The following USP34 variants were observed in gnomAD, a reference collection of about 807,000 sequenced individuals.
The protein encoded by USP34 is ubiquitin carboxyl-terminal hydrolase 34.
A neutral mutation model predicts 460.3 loss-of-function variants in USP34; 70 were observed. The ratio of observed to expected loss-of-function variants is 0.15; its 90% CI spans 0.13 to 0.19. The LOEUF is 0.19. Among genes scored for constraint, USP34 ranks in the 10% least tolerant of loss-of-function variants. The pLI is 1.00. For synonymous variants in USP34, 1,647 were observed against 1,405.3 expected (o/e 1.17, Z -3.85); for missense variants, 3,985 against 4,236.2 (o/e 0.94, Z 1.65).
Position 61,363,578 on chromosome 2 carries a change from T to C in USP34, c.1251+6743A>G, listed in dbSNP as rs568994348. On this transcript the variant is annotated intron_variant, in intron 10 of 79. Transcript: ENST00000398571. ...GAAAAAGTAATTTGTTGCACTATAC[T>C]AGGACAGTTATCACAATGTCATGAG... is the stretch of plus-strand genomic sequence containing the variant. Among the ~76,000 whole-genome samples, 29 of 152,342 alleles carry C rather than the reference T, an allele frequency of 1.9e-4. No individual in the cohort carries two copies. The East Asian group carries it at 5.4e-3, about 28-fold the overall frequency.
intron 5 of USP34, among the ~76,000 whole-genome samples, chr2:61,384,878 G>A (rs561192610): frequency 9.2e-5 from 14 of 151,908 alleles, no homozygotes; most frequent in Non-Finnish European, 1.9e-4. Context: ...GACAATATAA[G>A]TTAAGAAACT....
At chr2:61,190,730 C>T (rs1686614769) in intron 76 of USP34, 72 bp from the exon 77 acceptor site, 1 of 1,523,380 alleles carries the variant, frequency 6.6e-7, no homozygotes, top group Admixed American at 2.1e-5. Flanking sequence ...AAAACTTACA[C>T]AGAAAAAACA....
At chr2:61,293,369 G>A in intron 33 of USP34, 95 bp downstream of exon 33, 1 of 853,080 alleles carries the variant, frequency 1.2e-6, no homozygotes, top group Non-Finnish European at 1.8e-6. Flanking sequence ...TTATTATAAG[G>A]AACTATATGG....
chr2:61,422,068 A>G (rs1694378637), intron 1 of USP34, among the ~76,000 whole-genome samples: 2 of 152,344 alleles, frequency 1.3e-5, no homozygotes, highest in South Asian at 4.1e-4. Context: ...GACCTAGATC[A>G]CATCTGAGGC....
chr2:61,389,602 T>C (rs985347418), intron 5 of USP34, among the ~76,000 whole-genome samples: 1 of 152,184 alleles, frequency 6.6e-6, no homozygotes. Flanking sequence ...CAAAATTACA[T>C]ACTATGCAAC....
At chr2:61,367,237 T>C (rs565050564) in intron 10 of USP34, among the ~76,000 whole-genome samples, 6 of 152,352 alleles carry the variant, frequency 3.9e-5, no homozygotes, top group Admixed American at 3.3e-4. Flanking sequence ...AGTTATGACT[T>C]CACATGCTAG....
intron 10 of USP34, among the ~76,000 whole-genome samples, chr2:61,364,920 ACT>A (rs750021338): frequency 1.6e-3 from 243 of 151,914 alleles, no homozygotes; most frequent in Non-Finnish European, 2.7e-3. Flanking sequence ...ACAGAGCAAG[ACT>A]CTGTCTCAAA....
intron 48 of USP34, among the ~76,000 whole-genome samples, chr2:61,252,202 G>T (rs575344593): frequency 6.6e-6 from 1 of 152,080 alleles, no homozygotes; most frequent in Non-Finnish European, 1.5e-5. Context: ...ACTTATTTTT[G>T]TGAACCAGAA....
intron 49 of USP34, among the ~76,000 whole-genome samples, chr2:61,247,171 C>T (rs1688438670): frequency 6.6e-6 from 1 of 152,050 alleles, no homozygotes; most frequent in Admixed American, 6.6e-5. Context: ...GTAGAGTGGT[C>T]TAATAAGTTT....
Position 61,349,416 on chromosome 2 carries a change from C to G in USP34, c.1508-131G>C, listed in dbSNP as rs1691874261. 2.0e-5 allele frequency: 17 copies of G among 829,754 alleles called. No individual in the cohort carries two copies. In the South Asian group the frequency reaches 2.6e-4, roughly 13 times the overall value. The allele number at this position is 829,754 out of a possible 1,614,324, so 51.4% of individuals were successfully genotyped here. On this transcript the variant is annotated intron_variant, in intron 12 of 79. Coordinates refer to ENST00000398571, the MANE Select transcript of USP34 (RefSeq NM_014709.4). ...GAAACCTGCAATAAGGTTAAGTCCCCACCACCTACAGTAGTTGTTGGGGGT... is the reference window on the plus strand; with the variant it reads ...GAAACCTGCAATAAGGTTAAGTCCCGACCACCTACAGTAGTTGTTGGGGGT...
chr2:61,222,703 T>A (rs771996278), intron 64 of USP34, 40 bp from the exon 65 acceptor site: 1 of 1,594,196 alleles, frequency 6.3e-7, no homozygotes, highest in East Asian at 2.2e-5. Flanking sequence ...ATTCTTGTTT[T>A]GTTTTGTTTT....
At chr2:61,346,046 C>T (rs372311377) in intron 15 of USP34, among the ~76,000 whole-genome samples, 1 of 152,008 alleles carries the variant, frequency 6.6e-6, no homozygotes, top group East Asian at 1.9e-4. Flanking sequence ...TGGAGCTTAC[C>T]CTTTTAAATA....
intron 1 of USP34, among the ~76,000 whole-genome samples, chr2:61,447,528 CAG>C (rs1695154902): frequency 6.6e-6 from 1 of 152,180 alleles, no homozygotes; most frequent in South Asian, 2.1e-4. Context: ...CACTTTCAAA[CAG>C]ATGTTTTATG....
chr2:61,258,015 C>T (rs1054318581), intron 44 of USP34, among the ~76,000 whole-genome samples: 1 of 152,120 alleles, frequency 6.6e-6, no homozygotes, highest in Non-Finnish European at 1.5e-5. Context: ...TTTAAACCAG[C>T]AATTTTCTAT....
intron 70 of USP34, chr2:61,207,783 A>C (rs1687162598): frequency 6.6e-6 from 1 of 152,146 alleles, no homozygotes; most frequent in Non-Finnish European, 1.5e-5. Flanking sequence ...TTTAATACTT[A>C]GCCTTCCTCA....
intron 76 of USP34, among the ~76,000 whole-genome samples, chr2:61,191,716 G>A (rs1221711256): frequency 6.6e-6 from 1 of 152,172 alleles, no homozygotes; most frequent in Admixed American, 6.5e-5. Context: ...CGATGCAGAA[G>A]TAGAGAAAGC....
At chr2:61,369,064 A>T (rs969214186) in intron 10 of USP34, among the ~76,000 whole-genome samples, 7 of 152,216 alleles carry the variant, frequency 4.6e-5, no homozygotes, top group African/African-American at 1.4e-4. Flanking sequence ...TAAACACAAG[A>T]TTTGCAAACT....
intron 5 of USP34, among the ~76,000 whole-genome samples, chr2:61,392,403 C>A (rs1693376647): frequency 6.6e-6 from 1 of 152,136 alleles, no homozygotes; most frequent in South Asian, 2.1e-4. Flanking sequence ...GTGGGCGGAT[C>A]ACAGGAGGTC....
chr2:61,270,659 C>G (rs1689186942), intron 41 of USP34, among the ~76,000 whole-genome samples: 1 of 152,142 alleles, frequency 6.6e-6, no homozygotes, highest in African/African-American at 2.4e-5. Context: ...TGGTCTCAAA[C>G]TCCTGAGCTC....
Sources: gnomAD v4.1 joint callset for allele counts (sites outside exome capture counted in the v4.1 genomes callset) on GRCh38, gnomAD v4.1.1 for gene constraint, MANE v1.5 for transcripts, NCBI Gene and HGNC (gene_info 2026-07-23, HGNC 2026-07-21) for gene names.